The following ESYT3 variants were observed in gnomAD, a reference collection of about 807,000 sequenced individuals.
ESYT3 encodes the protein extended synaptotagmin 3.
ESYT3 carries 101 observed loss-of-function variants against 111.5 expected under a neutral mutation model. The ratio of observed to expected loss-of-function variants is 0.91; its 90% CI spans 0.77 to 1.07. The LOEUF (loss-of-function observed/expected upper bound fraction) is 1.07, where lower values mean the gene tolerates loss of function less well. Ranked by LOEUF, ESYT3 falls within the 50% of genes least tolerant of loss-of-function variation. The pLI is 0.00. For missense variants in ESYT3, 1,097 were observed against 1,109.4 expected (o/e 0.99, Z 0.16); for synonymous variants, 416 against 446.8 (o/e 0.93, Z 0.87).
At chr3:138,446,896 G>A (rs991223380) in intron 1 of ESYT3, among the ~76,000 whole-genome samples, 1 of 152,048 alleles carries the variant, frequency 6.6e-6, no homozygotes, top group Non-Finnish European at 1.5e-5. Context: ...ATAGTCAGGC[G>A]TGGTGGTGCA....
At position 138,457,390 on chromosome 3, in the gene ESYT3, G is replaced by A. The variant is rs570826725; in HGVS notation, c.505-178G>A. 3.3e-5 allele frequency among the ~76,000 whole-genome samples: 5 copies of A among 152,292 alleles called. No individual in the cohort carries two copies. The South Asian group carries it at 1.0e-3, about 32-fold the overall frequency. On this transcript the variant is annotated intron_variant, in intron 3 of 22. Transcript: ENST00000389567. The stretch of plus-strand genomic sequence containing the variant: ...GGGGCAGGAAGGGAGAGAAAGGAGG[G>A]GGCACATTCTAGGGAGGGAAGTCTC...
At chr3:138,446,878 A>G (rs1420647182) in intron 1 of ESYT3, among the ~76,000 whole-genome samples, 3 of 152,070 alleles carry the variant, frequency 2.0e-5, no homozygotes, top group Non-Finnish European at 4.4e-5. Flanking sequence ...CAAACAAACA[A>G]ACAAACAATA....
rs1481170992 is a variant in ESYT3, at chr3:138,457,645, G to A, written c.581+1G>A. On this transcript the variant is annotated splice_donor_variant, in intron 4 of 22. Coordinates refer to ENST00000389567, the MANE Select transcript of ESYT3 (RefSeq NM_031913.5). LOFTEE classifies it high-confidence loss of function. The stretch of plus-strand genomic sequence containing the variant: ...GTGTGACTGTGGACCTGCAGATCTG[G>A]TGAGCTCTATCGGGCTGGGTATGGG... The A allele has an allele frequency of 3.1e-6, 5 of 1,614,018 alleles. No individual in the cohort carries two copies. In the South Asian group the frequency reaches 3.3e-5, roughly 11 times the overall value.
At chr3:138,466,645 G>A (rs1285535292) in intron 10 of ESYT3, among the ~76,000 whole-genome samples, 1 of 152,092 alleles carries the variant, frequency 6.6e-6, no homozygotes, top group Non-Finnish European at 1.5e-5. Flanking sequence ...TTGGCTCAGG[G>A]TGAGTTAGGG....
Position 138,434,990 on chromosome 3 carries a change from C to T in ESYT3, c.192C>T (p.Leu64=), listed in dbSNP as rs1250651888. The T allele has an allele frequency of 1.5e-5, 24 of 1,561,452 alleles. No individual in the cohort carries two copies. Among genetic ancestry groups the T allele is most frequent in the South Asian group, 2.4e-5 (2 of 84,866 alleles). The change falls in exon 1 of 23, where the codon CTC becomes CTT. Residue 64 remains leucine, a synonymous_variant. Transcript: ENST00000389567. ...YLGLSITWLL[L]GALLWMWWRR... is the part of the protein sequence containing the mutation. ...GGCTCAGCATAACCTGGTTGCTGCTCGGCGCCCTGCTGTGGATGTGGTGGC... is the reference window on the plus strand; with the variant it reads ...GGCTCAGCATAACCTGGTTGCTGCTTGGCGCCCTGCTGTGGATGTGGTGGC...
At chr3:138,453,282 C>T (rs553577051) in intron 2 of ESYT3, among the ~76,000 whole-genome samples, 59 of 152,250 alleles carry the variant, frequency 3.9e-4, no homozygotes, top group Middle Eastern at 3.4e-3. Context: ...CTATACAAGG[C>T]GTTGGAGATA....
chr3:138,474,964 G>C (rs2033415623), intron 20 of ESYT3, among the ~76,000 whole-genome samples: 2 of 152,192 alleles, frequency 1.3e-5, no homozygotes, highest in South Asian at 4.1e-4. Flanking sequence ...GTTCTAAAAA[G>C]ACATTTCTAG....
Position 138,478,225 on chromosome 3 carries a change from T to C in ESYT3, c.*1371T>C, listed in dbSNP as rs945265025. ...ACATGCTAAGCAGCTACTTATATTG[T>C]ATTTGGTATTTAATTTTGTTTATTC... On this transcript the variant is annotated 3_prime_UTR_variant, in exon 23 of 23. Coordinates refer to ENST00000389567, the MANE Select transcript of ESYT3 (RefSeq NM_031913.5). 6.6e-6 allele frequency: 1 copy of C among 152,200 alleles called. No individual in the cohort carries two copies. The highest frequency in any genetic ancestry group is 1.5e-5 in the Non-Finnish European group (1 of 68,022). 9.4% of individuals were successfully genotyped at this position (152,200 alleles called of 1,614,324 possible).
At chr3:138,473,296 AG>A in intron 18 of ESYT3, 1 of 669,018 alleles carries the variant, frequency 1.5e-6, no homozygotes, top group East Asian at 3.1e-5. Flanking sequence ...AGGTCCCAAA[AG>A]GAATCATGAT....
rs1318795793 is a variant in ESYT3, at chr3:138,478,234, T to TTTAA, written c.*1383_*1386dup. 2.0e-5 allele frequency: 3 copies of TTTAA among 152,344 alleles called. No individual in the cohort carries two copies. The East Asian group carries it at 5.8e-4, about 29-fold the overall frequency. The allele number at this position is 152,344 out of a possible 1,614,324, so 9.4% of individuals were successfully genotyped here. ...GCAGCTACTTATATTGTATTTGGTA[T>TTTAA]TTAATTTTGTTTATTCTCCAGTTGA... On this transcript the variant is annotated 3_prime_UTR_variant, in exon 23 of 23. Transcript: ENST00000389567.
rs1275616738 is a variant in ESYT3 at position 138,434,946 on chromosome 3, T to C, written c.148T>C (p.Tyr50His). 1.3e-6 allele frequency: 2 copies of C among 1,552,918 alleles called. No homozygotes were observed. Among genetic ancestry groups the C allele is most frequent in the Non-Finnish European group, 1.7e-6 (2 of 1,147,614 alleles). The change falls in exon 1 of 23, where the codon TAC becomes CAC. Residue 50 changes from tyrosine to histidine, a missense_variant. Coordinates refer to ENST00000389567, the MANE Select transcript of ESYT3 (RefSeq NM_031913.5). Reference protein sequence around the residue: ...VRVLFYLGPVYLAGYLGLSIT... With the variant: ...VRVLFYLGPVHLAGYLGLSIT... Reference sequence around the variant, plus strand: ...CGTGCTGTTCTACCTGGGGCCTGTCTACCTAGCTGGCTACCTGGGGCTCAG... The same window carrying C: ...CGTGCTGTTCTACCTGGGGCCTGTCCACCTAGCTGGCTACCTGGGGCTCAG...
chr3:138,458,789 C>G (rs1366664944), intron 4 of ESYT3, among the ~76,000 whole-genome samples: 1 of 152,194 alleles, frequency 6.6e-6, no homozygotes, highest in African/African-American at 2.4e-5. Flanking sequence ...ATGAAAGACA[C>G]CTGGGCAGAG....
At chr3:138,474,374 C>T (rs1209086100) in intron 20 of ESYT3, 22 bp downstream of exon 20, 1 of 1,565,562 alleles carries the variant, frequency 6.4e-7, no homozygotes, top group Non-Finnish European at 8.6e-7. Flanking sequence ...GGTGGCCTGC[C>T]TAGAGTGCCT....
rs1366323029 is a variant in ESYT3, at chr3:138,479,284, A to G, written c.*2430A>G. 6.6e-6 allele frequency: 1 copy of G among 152,234 alleles called. No homozygotes were observed. Among genetic ancestry groups the G allele is most frequent in the East Asian group, 1.9e-4 (1 of 5,196 alleles). The allele number at this position is 152,234 out of a possible 1,614,324, so 9.4% of individuals were successfully genotyped here. ...ATGATTGTTCACAAGATATAAACAA[A>G]TAACCAAAGATTTTTGCAAGGGTTC... On this transcript the variant is annotated 3_prime_UTR_variant, in exon 23 of 23. Transcript: ENST00000389567.
intron 1 of ESYT3, among the ~76,000 whole-genome samples, chr3:138,444,740 T>C (rs2031412038): frequency 6.6e-6 from 1 of 152,192 alleles, no homozygotes; most frequent in Non-Finnish European, 1.5e-5. Flanking sequence ...TAATATTCTG[T>C]TTTTTGCCTT....
intron 7 of ESYT3, among the ~76,000 whole-genome samples, 153 bp downstream of exon 7, chr3:138,460,819 G>C (rs979898460): frequency 2.6e-5 from 4 of 152,194 alleles, no homozygotes; most frequent in Admixed American, 6.5e-5. Flanking sequence ...GGGAGGCTAA[G>C]GGTGTTGTGT....
intron 1 of ESYT3, among the ~76,000 whole-genome samples, chr3:138,436,968 C>G (rs1444021984): frequency 6.6e-6 from 1 of 152,014 alleles, no homozygotes; most frequent in Non-Finnish European, 1.5e-5. Flanking sequence ...GCCTCTCCCC[C>G]ACATACACCA....
chr3:138,460,117 C>T, intron 6 of ESYT3, 83 bp downstream of exon 6: 2 of 1,242,918 alleles, frequency 1.6e-6, no homozygotes, highest in South Asian at 1.3e-5. Flanking sequence ...GGGTTTGAGT[C>T]CAAGAATGGA....
chr3:138,463,154 G>A (rs2032741158), intron 8 of ESYT3, among the ~76,000 whole-genome samples: 2 of 152,084 alleles, frequency 1.3e-5, no homozygotes, highest in South Asian at 4.2e-4. Flanking sequence ...AAATGCAGTG[G>A]CGTGATCTTG....
Sources: gnomAD v4.1 joint callset for allele counts (sites outside exome capture counted in the v4.1 genomes callset) on GRCh38, gnomAD v4.1.1 for gene constraint, MANE v1.5 for transcripts, NCBI Gene and HGNC (gene_info 2026-07-23, HGNC 2026-07-21) for gene names.